The following STON2 variants were observed in gnomAD, a reference collection of about 807,000 sequenced individuals.
STON2 encodes the protein stonin 2.
A neutral mutation model predicts 65.7 loss-of-function variants in STON2; 29 were observed. The observed-to-expected ratio is 0.44, with a 90% confidence interval of 0.33 to 0.60. The LOEUF (loss-of-function observed/expected upper bound fraction) is 0.60, where lower values mean the gene tolerates loss of function less well. STON2 is among the 20% of genes least tolerant of loss of function. STON2 has a pLI of 0.03. For missense variants in STON2, 1,054 were observed against 1,118.1 expected (o/e 0.94, Z 0.82); for synonymous variants, 404 against 414.2 (o/e 0.98, Z 0.30).
chr14:81,420,478 G>A (rs1032116814), intron 2 of STON2, among the ~76,000 whole-genome samples: 2 of 152,162 alleles, frequency 1.3e-5, no homozygotes, highest in African/African-American at 4.8e-5. Flanking sequence ...GGATGTTCTT[G>A]TGAAATTCTA....
chr14:81,291,318 T>C (rs1040924477), intron 5 of STON2, among the ~76,000 whole-genome samples: 4 of 152,198 alleles, frequency 2.6e-5, no homozygotes, highest in African/African-American at 9.6e-5. Context: ...CCAGTATGGA[T>C]ATACCAAAGA....
intron 5 of STON2, among the ~76,000 whole-genome samples, chr14:81,304,215 AC>A (rs1896082014): frequency 6.6e-6 from 1 of 151,914 alleles, no homozygotes; most frequent in African/African-American, 2.4e-5. Context: ...TCCCCCACAC[AC>A]CTATTATGGA....
intron 3 of STON2, chr14:81,395,465 C>T (rs145698651): frequency 6.4e-6 from 1 of 155,224 alleles, no homozygotes; most frequent in African/African-American, 2.4e-5. Context: ...GGGTCTCAAA[C>T]TCCTGACCTC....
intron 5 of STON2, among the ~76,000 whole-genome samples, chr14:81,317,749 T>C (rs923154615): frequency 1.4e-4 from 22 of 152,162 alleles, no homozygotes; most frequent in African/African-American, 5.3e-4. Context: ...AATAAGGGGA[T>C]ATCATGTGAT....
At chr14:81,338,962 A>G (rs931878962) in intron 4 of STON2, among the ~76,000 whole-genome samples, 1 of 152,162 alleles carries the variant, frequency 6.6e-6, no homozygotes, top group African/African-American at 2.4e-5. Flanking sequence ...CAGCAAAGAA[A>G]CGCCATAAAC....
chr14:81,317,305 C>T (rs1446053838), intron 5 of STON2, among the ~76,000 whole-genome samples: 2 of 152,154 alleles, frequency 1.3e-5, no homozygotes, highest in Admixed American at 6.5e-5. Flanking sequence ...AGGACCCAAA[C>T]CTCCCACCAG....
chr14:81,357,680 C>T (rs1179187067), intron 4 of STON2, among the ~76,000 whole-genome samples: 1 of 152,066 alleles, frequency 6.6e-6, no homozygotes, highest in South Asian at 2.1e-4. Flanking sequence ...AAATGTGGCA[C>T]ATATACACCA....
intron 4 of STON2, among the ~76,000 whole-genome samples, chr14:81,362,554 T>A (rs1203984575): frequency 6.6e-6 from 1 of 152,192 alleles, no homozygotes; most frequent in Non-Finnish European, 1.5e-5. Context: ...AAGGTTTTTA[T>A]TTCTTGAAAA....
chr14:81,329,252 G>C (rs1054658844), intron 4 of STON2, among the ~76,000 whole-genome samples: 5 of 152,156 alleles, frequency 3.3e-5, no homozygotes, highest in Admixed American at 2.0e-4. Flanking sequence ...TCGGGAGATA[G>C]ACCATCCTGG....
Position 81,267,300 on chromosome 14 carries a change from T to C in STON2, c.*1114A>G. ...CCCAACATTAGAAAAATATGGCTTT[T>C]CCACGTCTCTACCCTAGAGATGCCT... On this transcript the variant is annotated 3_prime_UTR_variant, in exon 8 of 8. Transcript: ENST00000614646. 1.0e-6 allele frequency: 1 copy of C among 985,412 alleles called. No homozygotes were observed. Among genetic ancestry groups the C allele is most frequent in the South Asian group, 4.7e-5 (1 of 21,290 alleles). The allele number at this position is 985,412 out of a possible 1,614,324, so 61.0% of individuals were successfully genotyped here. A position where few individuals can be genotyped will look rare whatever the true frequency, so the allele number is the denominator to read the frequency against.
chr14:81,399,225 C>T (rs373911847), intron 1 of STON2, among the ~76,000 whole-genome samples: 1 of 152,158 alleles, frequency 6.6e-6, no homozygotes, highest in African/African-American at 2.4e-5. Flanking sequence ...GCTCACACTG[C>T]AATTATGTTC....
At chr14:81,395,716 C>T in intron 3 of STON2, 178 bp downstream of exon 3, 2 of 637,434 alleles carry the variant, frequency 3.1e-6, no homozygotes, top group Non-Finnish European at 5.5e-6. Context: ...ATGCTTATGT[C>T]AACAAAAACA....
chr14:81,415,364 C>T (rs1311625168), intron 2 of STON2, among the ~76,000 whole-genome samples: 1 of 152,038 alleles, frequency 6.6e-6, no homozygotes, highest in Admixed American at 6.5e-5. Flanking sequence ...AAAGAGTAGT[C>T]TGGGATTCTA....
At chr14:81,327,824 A>G (rs1356722547) in intron 4 of STON2, among the ~76,000 whole-genome samples, 1 of 152,186 alleles carries the variant, frequency 6.6e-6, no homozygotes, top group Admixed American at 6.5e-5. Context: ...AATTACTCAG[A>G]TTTCTGTAAC....
In STON2 at chr14:81,262,844, T is replaced by G. The variant is rs1274728398; in HGVS notation, c.*5570A>C. 2 of 985,228 alleles carry G rather than the reference T, an allele frequency of 2.0e-6. No individual in the cohort carries two copies. Among genetic ancestry groups the G allele is most frequent in the African/African-American group, 3.5e-5 (2 of 57,256 alleles). 61.0% of individuals were successfully genotyped at this position (985,228 alleles called of 1,614,324 possible). A position where few individuals can be genotyped will look rare whatever the true frequency, so the allele number is the denominator to read the frequency against. ...AATACATACATTTGTTTTCTACATT[T>G]GTGGTTGCCTTATACATCTCCTTCA... On this transcript the variant is annotated 3_prime_UTR_variant, in exon 8 of 8. Coordinates refer to ENST00000614646, the MANE Select transcript of STON2 (RefSeq NM_001394390.1).
intron 4 of STON2, among the ~76,000 whole-genome samples, chr14:81,330,941 T>C (rs1897189105): frequency 1.3e-5 from 2 of 152,240 alleles, no homozygotes; most frequent in South Asian, 4.1e-4. Flanking sequence ...GAAGAGACTA[T>C]GACTAAGAGC....
intron 5 of STON2, among the ~76,000 whole-genome samples, chr14:81,282,866 TGA>T (rs1228249304): frequency 6.6e-6 from 1 of 152,052 alleles, no homozygotes; most frequent in East Asian, 1.9e-4. Flanking sequence ...CTGGAAACAA[TGA>T]GAGGGGGAAA....
chr14:81,432,165 T>G (rs1344059272), intron 1 of STON2, among the ~76,000 whole-genome samples: 2 of 152,116 alleles, frequency 1.3e-5, no homozygotes, highest in Non-Finnish European at 2.9e-5. Context: ...GTGCCATGCT[T>G]ACGAATGAGA....
At chr14:81,425,642 T>C (rs17111815) in intron 2 of STON2, among the ~76,000 whole-genome samples, 12,134 of 152,100 alleles carry the variant, frequency 0.08, 789 homozygotes, top group East Asian at 0.18. Flanking sequence ...ACCTGGCTCA[T>C]GGTGGCAAAG....
Sources: allele counts gnomAD v4.1 joint callset (sites outside exome capture counted in the v4.1 genomes callset), GRCh38; gene constraint gnomAD v4.1.1; transcripts MANE v1.5; gene names NCBI Gene and HGNC (gene_info 2026-07-23, HGNC 2026-07-21).